The following CMIP variants were observed in gnomAD, a reference collection of about 807,000 sequenced individuals.
CMIP encodes c-Maf inducing protein, also known as C-Maf-inducing protein.
CMIP carries 13 observed loss-of-function variants against 97.3 expected under a neutral mutation model. That is an observed-to-expected ratio of 0.13 (90% CI 0.09 to 0.21). The LOEUF is 0.21. CMIP is among the 10% of genes least tolerant of loss of function. The pLI, the probability that CMIP is intolerant of heterozygous loss-of-function variation, is 1.00. For missense variants in CMIP, 847 were observed against 1,024.9 expected (o/e 0.83, Z 2.37); for synonymous variants, 538 against 436.3 (o/e 1.23, Z -2.91).
chr16:81,690,830 G>A (rs1343824661), intron 10 of CMIP, among the ~76,000 whole-genome samples: 3 of 152,206 alleles, frequency 2.0e-5, no homozygotes, highest in Non-Finnish European at 4.4e-5. Flanking sequence ...GAAGGCTGAG[G>A]CACGAGAATC....
intron 5 of CMIP, 136 bp downstream of exon 5, chr16:81,657,952 C>T: frequency 2.9e-6 from 2 of 678,068 alleles, no homozygotes; most frequent in Non-Finnish European, 4.9e-6. Context: ...TCTTTTCTAG[C>T]AAGCCGGACG....
At chr16:81,516,622 G>T (rs1156440515) in intron 1 of CMIP, among the ~76,000 whole-genome samples, 6 of 152,148 alleles carry the variant, frequency 3.9e-5, no homozygotes, top group Admixed American at 2.0e-4. Flanking sequence ...GTCAGTGCGC[G>T]GGCACTTGTG....
At chr16:81,670,268 C>T (rs1351835332) in intron 8 of CMIP, 23 bp downstream of exon 8, 2 of 1,589,520 alleles carry the variant, frequency 1.3e-6, no homozygotes, top group South Asian at 2.3e-5. Flanking sequence ...CGCGACGTCC[C>T]TCTGTGGCCT....
At chr16:81,548,721 C>G (rs529749388) in intron 1 of CMIP, among the ~76,000 whole-genome samples, 2 of 152,018 alleles carry the variant, frequency 1.3e-5, no homozygotes, top group African/African-American at 4.8e-5. Flanking sequence ...TGGTGTGTGC[C>G]TGTAGTCTTA....
In CMIP at chr16:81,595,034, G is replaced by GTCTCTCTC. The variant is rs60887695; in HGVS notation, c.301-12512_301-12505dup. 7.2e-3 allele frequency among the ~76,000 whole-genome samples: 1,051 copies of GTCTCTCTC among 145,786 alleles called. 10 individuals are homozygous for GTCTCTCTC. Among genetic ancestry groups the GTCTCTCTC allele is most frequent in the African/African-American group, 0.012 (476 of 39,980 alleles). ...ACTACAATAAAGGTAATATCATGTG[G>GTCTCTCTC]TCTCTCTCTCTCTCTCTCTCTCTCT... On this transcript the variant is annotated intron_variant, in intron 1 of 20. Transcript: ENST00000537098.
chr16:81,487,217 G>T (rs2966087), intron 1 of CMIP, among the ~76,000 whole-genome samples: 58,568 of 148,494 alleles, frequency 0.39, 11,574 homozygotes, highest in African/African-American at 0.46. Flanking sequence ...ACCCTCCCTT[G>T]CCTCCTGAGC....
chr16:81,524,553 A>G (rs568065239), intron 1 of CMIP, among the ~76,000 whole-genome samples: 1 of 152,360 alleles, frequency 6.6e-6, no homozygotes, highest in Admixed American at 6.5e-5. Flanking sequence ...CAGGCACGTC[A>G]TCATTGCCCA....
chr16:81,477,521 T>C (rs1908001694), intron 1 of CMIP, among the ~76,000 whole-genome samples: 1 of 152,164 alleles, frequency 6.6e-6, no homozygotes, highest in East Asian at 1.9e-4. Flanking sequence ...TCCCCTCCTT[T>C]CCCACTGAAG....
At chr16:81,468,995 C>A (rs144291624) in intron 1 of CMIP, among the ~76,000 whole-genome samples, 1,595 of 152,318 alleles carry the variant, frequency 0.01, 12 homozygotes, top group Middle Eastern at 0.027. Context: ...GCCCCATGAA[C>A]GTCTTGTTCT....
At chr16:81,643,378 A>G (rs13336785) in intron 3 of CMIP, among the ~76,000 whole-genome samples, 3,790 of 152,326 alleles carry the variant, frequency 0.025, 160 homozygotes, top group African/African-American at 0.087. Flanking sequence ...GCTGGGGGAG[A>G]GTACAATAGG....
At chr16:81,601,595 C>T (rs1170119592) in intron 1 of CMIP, among the ~76,000 whole-genome samples, 1 of 152,194 alleles carries the variant, frequency 6.6e-6, no homozygotes, top group East Asian at 1.9e-4. Context: ...ACAGGGGGCT[C>T]ACCTGGAAAC....
chr16:81,512,841 A>T (rs897669200), intron 1 of CMIP, among the ~76,000 whole-genome samples: 4 of 152,058 alleles, frequency 2.6e-5, no homozygotes, highest in Admixed American at 1.3e-4. Context: ...GGTTCAAGCA[A>T]TTCTCCTGCC....
At position 81,710,453 on chromosome 16, in the gene CMIP, T is replaced by C. The variant is rs886316985; in HGVS notation, c.*654T>C. On this transcript the variant is annotated 3_prime_UTR_variant, in exon 21 of 21. Transcript: ENST00000537098. ...CGCCCTCCCGCCCCCACCTGGCGTG[T>C]AGTACTGTATAAACCAGTCAGCTGT... 1 of 128,092 alleles carries C rather than the reference T, an allele frequency of 7.8e-6. No homozygotes were observed. Among genetic ancestry groups the C allele is most frequent in the Admixed American group, 8.9e-5 (1 of 11,260 alleles). The allele number at this position is 128,092 out of a possible 1,614,324, so 7.9% of individuals were successfully genotyped here. A position where few individuals can be genotyped will look rare whatever the true frequency, so the allele number is the denominator to read the frequency against.
Position 81,535,041 on chromosome 16 carries a change from C to T in CMIP, c.301-72526C>T, listed in dbSNP as rs578242614. Among the ~76,000 whole-genome samples the T allele has an allele frequency of 7.9e-5, 12 of 152,266 alleles. No individual in the cohort carries two copies. In the South Asian group the frequency reaches 2.1e-3, roughly 26 times the overall value. On this transcript the variant is annotated intron_variant, in intron 1 of 20. Transcript: ENST00000537098. ...TCTCGGCTCACTCTAAGCTCTGCCTCCCGGGTTCATGCCATTCTCCTGCCT... is the reference window on the plus strand; with the variant it reads ...TCTCGGCTCACTCTAAGCTCTGCCTTCCGGGTTCATGCCATTCTCCTGCCT...
intron 1 of CMIP, among the ~76,000 whole-genome samples, chr16:81,574,183 G>T (rs1467779593): frequency 6.6e-6 from 1 of 152,258 alleles, no homozygotes; most frequent in Non-Finnish European, 1.5e-5. Flanking sequence ...GGCCGCGCTA[G>T]TCTGGAGGGA....
chr16:81,593,461 G>A (rs1048229637), intron 1 of CMIP, among the ~76,000 whole-genome samples: 2 of 152,144 alleles, frequency 1.3e-5, no homozygotes, highest in African/African-American at 4.8e-5. Context: ...ATCAAGAGCT[G>A]TGCGACCTGC....
At chr16:81,620,180 G>A (rs902275766) in intron 2 of CMIP, 3 of 152,280 alleles carry the variant, frequency 2.0e-5, no homozygotes, top group East Asian at 1.9e-4. Context: ...AGGCTGAGAT[G>A]TCCAAAGACT....
chr16:81,676,555 C>G (rs1157170918), intron 9 of CMIP, among the ~76,000 whole-genome samples: 1 of 152,194 alleles, frequency 6.6e-6, no homozygotes, highest in Non-Finnish European at 1.5e-5. Flanking sequence ...CAAATCAGAT[C>G]TGGACCAGAG....
At position 81,707,989 on chromosome 16, in the gene CMIP, G is replaced by A. The variant is rs561012849; in HGVS notation, c.2268+905G>A. ...GCCAGGCCTCCTGCCGCCAGGGCGT[G>A]CTCACTGGGGCATCCTCCAGATGCT... On this transcript the variant is annotated intron_variant, in intron 20 of 20. Coordinates refer to ENST00000537098, the MANE Select transcript of CMIP (RefSeq NM_198390.3). 2.8e-4 allele frequency among the ~76,000 whole-genome samples: 43 copies of A among 152,382 alleles called. No homozygotes were observed. The South Asian group carries it at 8.9e-3, about 32-fold the overall frequency.
Sources: gnomAD v4.1 joint callset for allele counts (sites outside exome capture counted in the v4.1 genomes callset) on GRCh38, gnomAD v4.1.1 for gene constraint, MANE v1.5 for transcripts, NCBI Gene and HGNC (gene_info 2026-07-23, HGNC 2026-07-21) for gene names.